SAMD4A: variants seen among roughly 807,000 people sequenced by gnomAD.
SAMD4A encodes the protein protein Smaug homolog 1.
In SAMD4A, 33 loss-of-function variants were observed where a neutral mutation model predicts 81.3. The observed-to-expected ratio is 0.41, with a 90% confidence interval of 0.31 to 0.54. SAMD4A has a LOEUF of 0.54. Among genes scored for constraint, SAMD4A ranks in the 20% least tolerant of loss-of-function variants. SAMD4A has a pLI of 0.37. For missense variants in SAMD4A, 854 were observed against 951.1 expected, an observed-to-expected ratio of 0.90 and a Z score of 1.34; for synonymous variants, 389 against 382.1, an observed-to-expected ratio of 1.02 and a Z score of -0.21.
rs540326521 is a variant in SAMD4A at position 54,707,497 on chromosome 14, G to C, written c.715+4917G>C. Among the ~76,000 whole-genome samples, 124 of 152,286 alleles carry C rather than the reference G, an allele frequency of 8.1e-4. 1 individual carries two copies. Among genetic ancestry groups the C allele is most frequent in the Middle Eastern group, 3.4e-3 (1 of 294 alleles). ...TGTCTTCCCTGCTCAAGGCACTTGAGATGTATCAGTGGATAAGACAAAGCT... is the reference window on the plus strand; with the variant it reads ...TGTCTTCCCTGCTCAAGGCACTTGACATGTATCAGTGGATAAGACAAAGCT... On this transcript the variant is annotated intron_variant, in intron 3 of 12. Coordinates refer to ENST00000554335, the MANE Select transcript of SAMD4A (RefSeq NM_015589.6).
At chr14:54,733,102 G>C (rs1475102427) in intron 3 of SAMD4A, among the ~76,000 whole-genome samples, 4 of 152,118 alleles carry the variant, frequency 2.6e-5, no homozygotes, top group African/African-American at 9.7e-5. Context: ...GTTAGATGAG[G>C]TCAGAAGAGT....
Position 54,789,073 on chromosome 14 carries a change from C to T in SAMD4A, c.*129C>T, listed in dbSNP as rs1446509857. 7.6e-6 allele frequency: 8 copies of T among 1,049,000 alleles called. No homozygotes were observed. The highest frequency in any genetic ancestry group is 1.8e-5 in the Admixed American group (1 of 54,294). 65.0% of individuals were successfully genotyped at this position (1,049,000 alleles called of 1,614,324 possible). On this transcript the variant is annotated 3_prime_UTR_variant, in exon 13 of 13. Transcript: ENST00000554335. The stretch of plus-strand genomic sequence containing the variant: ...CCTTTTTTCCCCCTGGTCCCTCTCC[C>T]GTTTTGATTTTGTGAGAGCGTAGGT...
chr14:54,721,789 AGTT>A (rs2037269080), intron 3 of SAMD4A, among the ~76,000 whole-genome samples: 1 of 152,136 alleles, frequency 6.6e-6, no homozygotes, highest in Non-Finnish European at 1.5e-5. Context: ...TGATCCCTGA[AGTT>A]TTTTTGAGGC....
chr14:54,685,545 T>A lies in SAMD4A; in HGVS notation c.197-16517T>A, dbSNP rs569793113. On this transcript the variant is annotated intron_variant, in intron 2 of 12. Coordinates refer to ENST00000554335, the MANE Select transcript of SAMD4A (RefSeq NM_015589.6). Reference sequence around the variant, plus strand: ...TTGCTTCCACCTTATGACTTGTGAATAATGCTACTGTGAACATTGGTACGC... The same window carrying A: ...TTGCTTCCACCTTATGACTTGTGAAAAATGCTACTGTGAACATTGGTACGC... 17 of 374,726 alleles carry A rather than the reference T, an allele frequency of 4.5e-5. No individual in the cohort carries two copies. In the Admixed American group the frequency reaches 5.6e-4, roughly 12 times the overall value. The allele number at this position is 374,726 out of a possible 1,614,324, so 23.2% of individuals were successfully genotyped here.
chr14:54,596,695 C>T (rs1207000309), intron 2 of SAMD4A, among the ~76,000 whole-genome samples: 3 of 152,192 alleles, frequency 2.0e-5, no homozygotes, highest in African/African-American at 7.2e-5. Context: ...GGGAGGGAGC[C>T]GACGGGGAGA....
rs767853449 is a variant in SAMD4A, at chr14:54,770,210, G to A, written c.1703G>A (p.Arg568Gln). The change falls in exon 9 of 13, where the codon CGA (arginine) becomes CAA (glutamine). Residue 568 changes from arginine (R) to glutamine (Q), a missense_variant. By Grantham distance (43) the Arg-to-Gln change is conservative. Coordinates refer to ENST00000554335, the MANE Select transcript of SAMD4A (RefSeq NM_015589.6). The stretch of plus-strand genomic sequence containing the variant: ...ACCCTTCTAGACATATCAGGATATC[G>A]ACAGCAAAGAAAGTATGTTGGGATT... ...RKTLLDISGYRQQRNRGFGQS... is the reference protein window; with the variant it reads ...RKTLLDISGYQQQRNRGFGQS... 18 of 1,607,420 alleles carry A rather than the reference G, an allele frequency of 1.1e-5. No individual in the cohort carries two copies. Among genetic ancestry groups the A allele is most frequent in the Non-Finnish European group, 1.4e-5 (17 of 1,174,268 alleles).
chr14:54,667,636 G>A (rs2035784524), intron 2 of SAMD4A, among the ~76,000 whole-genome samples: 1 of 152,182 alleles, frequency 6.6e-6, no homozygotes, highest in African/African-American at 2.4e-5. Context: ...GTCACCCAGG[G>A]CGAGTGACTT....
At chr14:54,724,007 T>TGGATGGAAGGAAGGAAGGAAGAA (rs1555347506) in intron 3 of SAMD4A, among the ~76,000 whole-genome samples, 1 of 124,176 alleles carries the variant, frequency 8.1e-6, no homozygotes, top group South Asian at 3.0e-4. Context: ...GATGGATGGA[T>TGGATGGAAGGAAGGAAGGAAGAA]GGAAGGAAGG....
chr14:54,714,639 G>A (rs2037074090), intron 3 of SAMD4A, among the ~76,000 whole-genome samples: 2 of 152,246 alleles, frequency 1.3e-5, no homozygotes, highest in Admixed American at 1.3e-4. Context: ...AGTTGGTTAA[G>A]TGAAGATGAG....
At chr14:54,611,889 A>G (rs1047859695) in intron 2 of SAMD4A, among the ~76,000 whole-genome samples, 3 of 151,960 alleles carry the variant, frequency 2.0e-5, no homozygotes, top group African/African-American at 7.2e-5. Flanking sequence ...AAAAAAAAAA[A>G]AGAAAAAAGA....
At chr14:54,668,301 C>T (rs961048422) in intron 2 of SAMD4A, among the ~76,000 whole-genome samples, 1 of 152,206 alleles carries the variant, frequency 6.6e-6, no homozygotes, top group African/African-American at 2.4e-5. Context: ...AATTCTGGGT[C>T]TCTGATGCCT....
intron 7 of SAMD4A, among the ~76,000 whole-genome samples, chr14:54,762,302 A>C (rs530297145): frequency 1.9e-4 from 29 of 152,316 alleles, no homozygotes; most frequent in African/African-American, 6.5e-4. Context: ...TTCCTTTGGA[A>C]GGGGAAAACA....
At chr14:54,694,842 C>T (rs2036538103) in intron 2 of SAMD4A, 1 of 985,398 alleles carries the variant, frequency 1.0e-6, no homozygotes, top group African/African-American at 1.7e-5. Flanking sequence ...TCCTGGAGCA[C>T]CCAGCTGTGC....
chr14:54,678,098 G>A (rs964939038), intron 2 of SAMD4A, among the ~76,000 whole-genome samples: 1 of 152,204 alleles, frequency 6.6e-6, no homozygotes. Flanking sequence ...CTTCAGAAAA[G>A]AAGACCCAAA....
intron 8 of SAMD4A, among the ~76,000 whole-genome samples, chr14:54,768,626 A>G (rs1347593435): frequency 6.6e-6 from 1 of 152,226 alleles, no homozygotes; most frequent in African/African-American, 2.4e-5. Context: ...GTCCAGCAGA[A>G]ACGCTTGCCT....
chr14:54,585,217 C>G (rs907466019), intron 2 of SAMD4A, among the ~76,000 whole-genome samples: 38 of 151,976 alleles, frequency 2.5e-4, no homozygotes, highest in Non-Finnish European at 7.4e-5. Context: ...TTTAAATGAC[C>G]GTGTAGCATT....
At chr14:54,749,853 T>C (rs1419774948) in intron 5 of SAMD4A, among the ~76,000 whole-genome samples, 2 of 152,218 alleles carry the variant, frequency 1.3e-5, no homozygotes, top group African/African-American at 4.8e-5. Flanking sequence ...GATTGTACCA[T>C]TTGGGCATGG....
chr14:54,568,690 C>CATATAT lies in SAMD4A; in HGVS notation c.196+624_196+629dup, dbSNP rs59190435. 2.5e-4 allele frequency among the ~76,000 whole-genome samples: 8 copies of CATATAT among 31,890 alleles called. 1 individual carries two copies. The highest frequency in any genetic ancestry group is 1.2e-3 in the East Asian group (1 of 856). The allele number at this position is 31,890 out of a possible 152,430, so 20.9% of individuals were successfully genotyped here. On this transcript the variant is annotated intron_variant, in intron 2 of 12. Transcript: ENST00000554335. ...GAGACTAGTAAAATGACATTTGCAG[C>CATATAT]ATATATATATATATATATATATATA...
At chr14:54,602,024 G>C (rs529388124) in intron 2 of SAMD4A, among the ~76,000 whole-genome samples, 2 of 152,264 alleles carry the variant, frequency 1.3e-5, no homozygotes, top group South Asian at 2.1e-4. Flanking sequence ...GGAGAAAGCA[G>C]GACAGAAACA....
Sources: gnomAD v4.1 joint callset for allele counts (sites outside exome capture counted in the v4.1 genomes callset) on GRCh38, gnomAD v4.1.1 for gene constraint, MANE v1.5 for transcripts, NCBI Gene and HGNC (gene_info 2026-07-23, HGNC 2026-07-21) for gene names.